Variants in GPCPD1 observed in about 807,000 individuals in gnomAD.
GPCPD1 encodes glycerophosphocholine phosphodiesterase GPCPD1.
GPCPD1 carries 29 observed loss-of-function variants against 89.2 expected under a neutral mutation model. That is an observed-to-expected ratio of 0.33 (90% confidence interval 0.24 to 0.44). The LOEUF is 0.44. Ranked by LOEUF, GPCPD1 falls within the 20% of genes least tolerant of loss-of-function variation. The pLI is 1.00. For missense variants in GPCPD1, 594 were observed against 808.9 expected (o/e 0.73, Z 3.22); for synonymous variants, 258 against 266.3 (o/e 0.97, Z 0.30).
Position 5,604,453 on chromosome 20 carries a change from A to C in GPCPD1, c.-28-13T>G. The C allele has an allele frequency of 7.7e-7, 1 of 1,294,228 alleles. No individual in the cohort carries two copies. The highest frequency in any genetic ancestry group is 1.1e-6 in the Non-Finnish European group (1 of 904,294). The allele number at this position is 1,294,228 out of a possible 1,614,324, so 80.2% of individuals were successfully genotyped here. On this transcript the variant is annotated splice_polypyrimidine_tract_variant and intron_variant, in intron 1 of 19. Coordinates refer to ENST00000379019, the MANE Select transcript of GPCPD1 (RefSeq NM_019593.5). ...TTATGATGTCGTGCTAGGAAAAAAA[A>C]GAAAAGTAACTTATAGTATAAAAAT...
At chr20:5,593,887 G>A (rs1453241610) in intron 3 of GPCPD1, among the ~76,000 whole-genome samples, 9 of 152,150 alleles carry the variant, frequency 5.9e-5, no homozygotes, top group East Asian at 1.9e-4. Flanking sequence ...ACTTTGGGTC[G>A]CAGCTTTTGT....
chr20:5,562,446 C>T (rs918186677), intron 15 of GPCPD1, among the ~76,000 whole-genome samples: 3 of 152,108 alleles, frequency 2.0e-5, no homozygotes, highest in African/African-American at 7.2e-5. Context: ...CCACGCCTGG[C>T]TAATTTTTTG....
intron 11 of GPCPD1, among the ~76,000 whole-genome samples, chr20:5,572,283 T>C (rs1300916182): frequency 2.0e-5 from 3 of 152,158 alleles, no homozygotes; most frequent in Admixed American, 6.5e-5. Context: ...TTATAAACTA[T>C]AGCCTAATAA....
chr20:5,557,900 C>A, intron 19 of GPCPD1, 45 bp downstream of exon 19: 1 of 1,070,450 alleles, frequency 9.3e-7, no homozygotes, highest in South Asian at 1.5e-5. Context: ...AAGATGAAAT[C>A]TATACTTCTA....
At chr20:5,584,471 C>A in intron 5 of GPCPD1, 149 bp from the exon 6 acceptor site, 1 of 477,554 alleles carries the variant, frequency 2.1e-6, no homozygotes. Context: ...TTTATTGTAG[C>A]CCTCAATAAA....
At chr20:5,566,856 T>A in intron 13 of GPCPD1, 84 bp from the exon 14 acceptor site, 1 of 860,384 alleles carries the variant, frequency 1.2e-6, no homozygotes, top group Non-Finnish European at 2.0e-6. Flanking sequence ...CCTGAAAAAC[T>A]AGCAAGATAA....
At chr20:5,566,917 C>T (rs1986422149) in intron 13 of GPCPD1, 145 bp from the exon 14 acceptor site, 2 of 623,120 alleles carry the variant, frequency 3.2e-6, no homozygotes, top group Admixed American at 5.8e-5. Context: ...AAGCACTAGC[C>T]ACTATATATA....
chr20:5,594,251 G>C (rs1393970022), intron 3 of GPCPD1, among the ~76,000 whole-genome samples: 3 of 152,040 alleles, frequency 2.0e-5, no homozygotes, highest in African/African-American at 4.8e-5. Flanking sequence ...GGAACTCTGG[G>C]GGTGGGGGCC....
intron 19 of GPCPD1, chr20:5,548,871 A>G (rs1649731076): frequency 2.0e-6 from 2 of 989,198 alleles, no homozygotes; most frequent in Non-Finnish European, 2.8e-6. Context: ...CCTACTCCTA[A>G]TCCCCCTGTG....
chr20:5,558,332 G>T (rs975930102), intron 18 of GPCPD1, among the ~76,000 whole-genome samples: 1 of 151,978 alleles, frequency 6.6e-6, no homozygotes, highest in Non-Finnish European at 1.5e-5. Context: ...TATTGAATGT[G>T]CAGTCAAAAA....
chr20:5,601,349 G>A (rs531859265), intron 2 of GPCPD1, among the ~76,000 whole-genome samples: 1 of 147,772 alleles, frequency 6.8e-6, no homozygotes, highest in East Asian at 2.0e-4. Context: ...AATAGAGGGA[G>A]ACCCTGTTAA....
chr20:5,581,869 A>T (rs1276650693), intron 6 of GPCPD1, among the ~76,000 whole-genome samples: 37 of 122,148 alleles, frequency 3.0e-4, no homozygotes, highest in African/African-American at 1.1e-3. Flanking sequence ...AAGTGAGACC[A>T]TGCATTACAG....
Position 5,584,277 on chromosome 20 carries a change from T to C in GPCPD1, c.349+4A>G. On this transcript the variant is annotated splice_donor_region_variant and intron_variant, in intron 6 of 19. Transcript: ENST00000379019. ...AAACATTTAAGTAAGTCAGTCTCACTTACTGTGGATTCCAAATTGTCCATC... is the reference window on the plus strand; with the variant it reads ...AAACATTTAAGTAAGTCAGTCTCACCTACTGTGGATTCCAAATTGTCCATC... 1 of 1,343,842 alleles carries C rather than the reference T, an allele frequency of 7.4e-7. No individual in the cohort carries two copies. Among genetic ancestry groups the C allele is most frequent in the Admixed American group, 1.7e-5 (1 of 57,352 alleles). 83.2% of individuals were successfully genotyped at this position (1,343,842 alleles called of 1,614,324 possible).
At position 5,553,415 on chromosome 20, in the gene GPCPD1, C is replaced by T. The variant is rs577146725; in HGVS notation, c.1829+4530G>A. Among the ~76,000 whole-genome samples, 4 of 152,176 alleles carry T rather than the reference C, an allele frequency of 2.6e-5. No individual in the cohort carries two copies. In the South Asian group the frequency reaches 8.3e-4, roughly 32 times the overall value. On this transcript the variant is annotated intron_variant, in intron 19 of 19. Transcript: ENST00000379019. Reference sequence around the variant, plus strand: ...AGACACATCCATACTGAAATCAGGCCAATTAACCTTACAATGGCCCCTAAG... The same window carrying T: ...AGACACATCCATACTGAAATCAGGCTAATTAACCTTACAATGGCCCCTAAG...
intron 19 of GPCPD1, among the ~76,000 whole-genome samples, chr20:5,552,901 T>G (rs1407008565): frequency 6.6e-6 from 1 of 152,252 alleles, no homozygotes; most frequent in Non-Finnish European, 1.5e-5. Flanking sequence ...GCAGGCCTAG[T>G]GAGATTTTAT....
intron 11 of GPCPD1, among the ~76,000 whole-genome samples, 176 bp from the exon 12 acceptor site, chr20:5,570,415 CT>C (rs1986644505): frequency 1.1e-5 from 1 of 88,490 alleles, no homozygotes; most frequent in Non-Finnish European, 2.1e-5. Flanking sequence ...AGCACAGCTA[CT>C]TTTTCCTGGC....
intron 19 of GPCPD1, chr20:5,549,319 A>T: frequency 9.8e-7 from 1 of 1,023,044 alleles, no homozygotes; most frequent in Non-Finnish European, 1.5e-6. Flanking sequence ...ATAAGATAGC[A>T]GTATGGACTA....
chr20:5,599,816 G>C (rs1166792496), intron 2 of GPCPD1, among the ~76,000 whole-genome samples: 1 of 152,144 alleles, frequency 6.6e-6, no homozygotes, highest in African/African-American at 2.4e-5. Context: ...GCCTCCCAAA[G>C]TGCTGGGTTT....
chr20:5,577,265 C>T (rs1466059093), intron 8 of GPCPD1, among the ~76,000 whole-genome samples: 5 of 151,690 alleles, frequency 3.3e-5, no homozygotes, highest in African/African-American at 1.2e-4. Flanking sequence ...TCGTGATCCG[C>T]CTGCTTTGGC....
Sources: gnomAD v4.1 joint callset for allele counts (sites outside exome capture counted in the v4.1 genomes callset) on GRCh38, gnomAD v4.1.1 for gene constraint, MANE v1.5 for transcripts, NCBI Gene and HGNC (gene_info 2026-07-23, HGNC 2026-07-21) for gene names.